GDA: variants seen among roughly 807,000 people sequenced by gnomAD.
The protein encoded by GDA is cytoplasmic PSD-95 interactor.
A neutral mutation model predicts 59.6 loss-of-function variants in GDA; 18 were observed. That is an observed-to-expected ratio of 0.30 (90% CI 0.21 to 0.45). The LOEUF (loss-of-function observed/expected upper bound fraction) is 0.45. Ranked by LOEUF, GDA falls within the 20% of genes least tolerant of loss-of-function variation. The probability of loss-of-function intolerance (pLI) is 1.00; values close to 1 mark genes in which losing one functional copy is unlikely to be tolerated. For synonymous variants in GDA, 201 were observed against 201.1 expected (o/e 1.00, Z 0.00); for missense variants, 427 against 552.3 (o/e 0.77, Z 2.27).
rs1840540768 is a variant in GDA at position 72,250,102 on chromosome 9, T to C, written c.*1760T>C. The C allele has an allele frequency of 3.0e-6, 3 of 984,940 alleles. No homozygotes were observed. Among genetic ancestry groups the C allele is most frequent in the African/African-American group, 1.7e-5 (1 of 57,226 alleles). The allele number at this position is 984,940 out of a possible 1,614,324, so 61.0% of individuals were successfully genotyped here. A position where few individuals can be genotyped will look rare whatever the true frequency, so the allele number is the denominator to read the frequency against. ...TCTAATTCCTGAGCCACGTCAAAGA[T>C]GCCTTGCCAAATTTCTCCCCATTTC... On this transcript the variant is annotated 3_prime_UTR_variant, in exon 14 of 14. Transcript: ENST00000358399.
At chr9:72,134,460 G>A (rs1826147509) in intron 1 of GDA, among the ~76,000 whole-genome samples, 2 of 151,994 alleles carry the variant, frequency 1.3e-5, no homozygotes, top group South Asian at 2.1e-4. Context: ...GGAGTGCAGT[G>A]GTGTGATCTC....
chr9:72,236,246 G>A (rs1036199015), intron 10 of GDA, among the ~76,000 whole-genome samples: 17 of 152,116 alleles, frequency 1.1e-4, no homozygotes, highest in Non-Finnish European at 4.4e-5. Context: ...GGAGCATCTG[G>A]AGGTTGCTGG....
chr9:72,222,147 A>G (rs542444098), intron 6 of GDA, among the ~76,000 whole-genome samples: 2 of 152,330 alleles, frequency 1.3e-5, no homozygotes, highest in African/African-American at 4.8e-5. Context: ...TGTCTTTCAC[A>G]ATGGTTGAAG....
intron 1 of GDA, among the ~76,000 whole-genome samples, chr9:72,159,475 A>G (rs1173755575): frequency 6.6e-6 from 1 of 152,216 alleles, no homozygotes; most frequent in Non-Finnish European, 1.5e-5. Flanking sequence ...AACTGTGTCA[A>G]TATGAGTTTA....
chr9:72,170,969 A>G (rs1214345029), intron 1 of GDA, among the ~76,000 whole-genome samples: 2 of 152,108 alleles, frequency 1.3e-5, no homozygotes, highest in Non-Finnish European at 2.9e-5. Context: ...GGCGTGCACC[A>G]CCATGCCTAG....
chr9:72,122,634 T>TACAC (rs112045510), intron 1 of GDA, among the ~76,000 whole-genome samples: 7,749 of 147,404 alleles, frequency 0.053, 265 homozygotes, highest in African/African-American at 0.11. Context: ...TGTATACATT[T>TACAC]ACACACACAC....
upstream of GDA, among the ~76,000 whole-genome samples, chr9:72,147,764 G>C (rs1366995016): frequency 6.6e-6 from 1 of 152,156 alleles, no homozygotes; most frequent in African/African-American, 2.4e-5. Flanking sequence ...TTCTGTCTGA[G>C]GTTTTTGTGT....
Position 72,249,539 on chromosome 9 carries a change from G to T in GDA, c.*1197G>T, listed in dbSNP as rs150223623. 524 of 579,466 alleles carry T rather than the reference G, an allele frequency of 9.0e-4. 1 individual carries two copies. In the African/African-American group the frequency reaches 0.01, roughly 11 times the overall value. The allele number at this position is 579,466 out of a possible 1,614,324, so 35.9% of individuals were successfully genotyped here. On this transcript the variant is annotated 3_prime_UTR_variant, in exon 14 of 14. Transcript: ENST00000358399. ...GTCCTACTTAATATTTATGTTAATA[G>T]GACTTAATTCTTACTAGACATCTAG... is the stretch of plus-strand genomic sequence containing the variant.
At chr9:72,146,626 G>T (rs1335940117), upstream of GDA, among the ~76,000 whole-genome samples, 1 of 152,120 alleles carries the variant, frequency 6.6e-6, no homozygotes, top group African/African-American at 2.4e-5. Context: ...TAGTAGCTGG[G>T]ACTACAGGTG....
At chr9:72,202,432 T>C (rs1834109469) in intron 2 of GDA, 139 bp from the exon 3 acceptor site, 1 of 592,936 alleles carries the variant, frequency 1.7e-6, no homozygotes, top group African/African-American at 1.9e-5. Context: ...AATTGGAGAA[T>C]TTACAGTTGT....
chr9:72,242,640 C>T lies in GDA; in HGVS notation c.1135+1342C>T, dbSNP rs1587789714. Among the ~76,000 whole-genome samples, 4 of 152,166 alleles carry T rather than the reference C, an allele frequency of 2.6e-5. No homozygotes were observed. The East Asian group carries it at 7.7e-4, about 29-fold the overall frequency. On this transcript the variant is annotated intron_variant, in intron 11 of 13. Transcript: ENST00000358399. ...GGGACTATGATGAACACCATAAGCA[C>T]ATTTCAAGAAAAGCAAATACAATGT...
chr9:72,181,755 T>A (rs1045989911), intron 1 of GDA, among the ~76,000 whole-genome samples: 2 of 152,194 alleles, frequency 1.3e-5, no homozygotes, highest in African/African-American at 4.8e-5. Flanking sequence ...TCCTCACATT[T>A]CAGCCTCCCA....
chr9:72,210,732 A>G lies in GDA; in HGVS notation c.430A>G (p.Thr144Ala), dbSNP rs764471126. 4 of 1,612,044 alleles carry G rather than the reference A, an allele frequency of 2.5e-6. No homozygotes were observed. Among genetic ancestry groups the G allele is most frequent in the African/African-American group, 1.3e-5 (1 of 74,986 alleles). ...NGTTTACYFA[T>A]IHTDSSLLLA... ...AACAACCACAGCTTGTTACTTTGCA[A>G]CAATTCACACTGACTCATCTCTGCT... Residue 144 changes from threonine to alanine, a missense_variant, in exon 4 of 14, where the codon ACA becomes GCA. Transcript: ENST00000358399.
At chr9:72,221,102 G>A (rs771248130) in intron 6 of GDA, among the ~76,000 whole-genome samples, 1 of 152,062 alleles carries the variant, frequency 6.6e-6, no homozygotes, top group Non-Finnish European at 1.5e-5. Context: ...ACCCCTCTAT[G>A]AGTCCTTCTC....
chr9:72,224,558 G>T (rs1434790309), intron 7 of GDA, among the ~76,000 whole-genome samples: 3 of 152,112 alleles, frequency 2.0e-5, no homozygotes, highest in Non-Finnish European at 4.4e-5. Context: ...CTTGCATGTG[G>T]ATTCTTATGG....
At chr9:72,198,702 G>A (rs1833523112) in intron 2 of GDA, among the ~76,000 whole-genome samples, 1 of 151,796 alleles carries the variant, frequency 6.6e-6, no homozygotes, top group Non-Finnish European at 1.5e-5. Context: ...TTACTGGTAG[G>A]GCAGGCTGAT....
At chr9:72,214,129 T>G (rs1446541906) in intron 5 of GDA, 138 bp downstream of exon 5, 2 of 600,368 alleles carry the variant, frequency 3.3e-6, no homozygotes, top group African/African-American at 3.7e-5. Flanking sequence ...AATGTTCTGT[T>G]TAATGCAATG....
Position 72,159,251 on chromosome 9 carries a change from A to T in GDA, c.123+9569A>T, listed in dbSNP as rs140282217. On this transcript the variant is annotated intron_variant, in intron 1 of 13. Coordinates refer to ENST00000358399, the MANE Select transcript of GDA (RefSeq NM_004293.5). ...TCTACTAAAAATACAAAAATTAGCC[A>T]GGCATGATGGCAGGTGCCTGTAATC... 7.7e-3 allele frequency among the ~76,000 whole-genome samples: 1,167 copies of T among 152,160 alleles called. 20 individuals carry two copies. The highest frequency in any genetic ancestry group is 0.026 in the African/African-American group (1,080 of 41,506).
chr9:72,241,042 A>T (rs1004117101), intron 10 of GDA, 110 bp from the exon 11 acceptor site: 9 of 648,058 alleles, frequency 1.4e-5, no homozygotes, highest in Middle Eastern at 3.9e-4. Flanking sequence ...AGAGCTTTTT[A>T]AAAAAAGTAT....
Sources: allele counts gnomAD v4.1 joint callset (sites outside exome capture counted in the v4.1 genomes callset), GRCh38; gene constraint gnomAD v4.1.1; transcripts MANE v1.5; gene names NCBI Gene and HGNC (gene_info 2026-07-23, HGNC 2026-07-21).